The following ZPBP variants were observed in gnomAD, a reference collection of about 807,000 sequenced individuals.
ZPBP encodes zona pellucida-binding protein 1.
A neutral mutation model predicts 44.8 loss-of-function variants in ZPBP; 26 were observed. That is an observed-to-expected ratio of 0.58 (90% CI 0.43 to 0.81). The LOEUF (loss-of-function observed/expected upper bound fraction) is 0.81, where lower values mean the gene tolerates loss of function less well. ZPBP is among the 30% of genes least tolerant of loss of function. The probability of loss-of-function intolerance (pLI) is 0.00; values close to 1 mark genes in which losing one functional copy is unlikely to be tolerated. For missense variants in ZPBP, 409 were observed against 434.0 expected, an observed-to-expected ratio of 0.94 and a Z score of 0.51; for synonymous variants, 174 against 153.2, an observed-to-expected ratio of 1.14 and a Z score of -1.00.
chr7:49,997,027 G>A (rs1797877038), intron 6 of ZPBP, among the ~76,000 whole-genome samples: 1 of 152,194 alleles, frequency 6.6e-6, no homozygotes, highest in Non-Finnish European at 1.5e-5. Context: ...ACAGAGAAGA[G>A]CAATTAACTA....
chr7:50,042,399 G>A (rs1394632986), intron 4 of ZPBP, among the ~76,000 whole-genome samples: 1 of 152,084 alleles, frequency 6.6e-6, no homozygotes, highest in Non-Finnish European at 1.5e-5. Flanking sequence ...TTGAAACGAA[G>A]GAAAAAATGT....
In ZPBP at chr7:50,058,126, G is replaced by A; in HGVS notation, c.350C>T (p.Ala117Val). 6.2e-7 allele frequency: 1 copy of A among 1,613,706 alleles called. No homozygotes were observed. Among genetic ancestry groups the A allele is most frequent in the Non-Finnish European group, 8.5e-7 (1 of 1,179,812 alleles). Residue 117 changes from alanine (A) to valine (V), a missense_variant, in exon 4 of 8, where the codon GCA becomes GTA. Transcript: ENST00000046087. ...AAGGCTTCCTGTGGATGTTATTTGTGCAGTGCGGTTTTCTACTAAAGGAAT... is the reference window on the plus strand; with the variant it reads ...AAGGCTTCCTGTGGATGTTATTTGTACAGTGCGGTTTTCTACTAAAGGAAT... Reference protein sequence around the residue: ...GKVVSVENRTAQITSTGSLVF... With the variant: ...GKVVSVENRTVQITSTGSLVF...
intron 2 of ZPBP, among the ~76,000 whole-genome samples, chr7:49,864,826 A>G (rs529711292): frequency 5.6e-4 from 85 of 152,316 alleles, no homozygotes; most frequent in African/African-American, 1.9e-3. Context: ...AAGCAAGGAC[A>G]ATCAAGACTG....
chr7:49,980,390 T>C (rs1172015997), intron 7 of ZPBP, among the ~76,000 whole-genome samples: 1 of 146,706 alleles, frequency 6.8e-6, no homozygotes, highest in African/African-American at 2.5e-5. Flanking sequence ...TTTAAAAAAT[T>C]TATACTAATA....
intron 2 of ZPBP, among the ~76,000 whole-genome samples, chr7:49,887,199 T>G (rs1023924447): frequency 5.3e-5 from 8 of 152,206 alleles, no homozygotes; most frequent in Non-Finnish European, 1.0e-4. Flanking sequence ...TCAATACTAC[T>G]GAACAGATGC....
chr7:49,941,568 G>A (rs140526579), intron 7 of ZPBP, among the ~76,000 whole-genome samples: 2,008 of 151,952 alleles, frequency 0.013, 22 homozygotes, highest in Middle Eastern at 0.048. Flanking sequence ...TAATATTTAG[G>A]CATAAACTCA....
intron 4 of ZPBP, among the ~76,000 whole-genome samples, chr7:50,040,121 T>C (rs1799999375): frequency 6.6e-6 from 1 of 152,032 alleles, no homozygotes; most frequent in Non-Finnish European, 1.5e-5. Context: ...GCAAAGTATA[T>C]CCAAGTATAT....
intron 1 of ZPBP, among the ~76,000 whole-genome samples, chr7:49,902,790 A>T (rs1226009089): frequency 6.6e-6 from 1 of 152,124 alleles, no homozygotes; most frequent in Non-Finnish European, 1.5e-5. Context: ...TTTTTGAAAT[A>T]TAAATTTTTT....
At chr7:49,909,968 G>T (rs930046911) in intron 1 of ZPBP, among the ~76,000 whole-genome samples, 1 of 151,910 alleles carries the variant, frequency 6.6e-6, no homozygotes, top group Admixed American at 6.6e-5. Context: ...AGTTACTCAG[G>T]TGTGGTGGTG....
chr7:49,927,243 A>C (rs568936839), intron 1 of ZPBP, among the ~76,000 whole-genome samples: 32 of 152,232 alleles, frequency 2.1e-4, no homozygotes, highest in Non-Finnish European at 4.0e-4. Context: ...CAGCCAGTAC[A>C]GTAACTTATT....
At chr7:49,869,454 C>T (rs914725365) in intron 2 of ZPBP, among the ~76,000 whole-genome samples, 3 of 152,146 alleles carry the variant, frequency 2.0e-5, no homozygotes, top group South Asian at 2.1e-4. Flanking sequence ...GGTAGCAAAT[C>T]GGATATAGGG....
At chr7:50,092,889 A>T in intron 1 of ZPBP, 179 bp downstream of exon 1, 1 of 917,674 alleles carries the variant, frequency 1.1e-6, no homozygotes, top group Non-Finnish European at 1.6e-6. Context: ...TCACTCCTCT[A>T]TGCAAATGCA....
chr7:49,909,752 A>G (rs545364310), intron 1 of ZPBP, among the ~76,000 whole-genome samples: 2 of 152,270 alleles, frequency 1.3e-5, no homozygotes, highest in East Asian at 1.9e-4. Flanking sequence ...GTTCTCTGAA[A>G]GAGAAAGAGT....
Position 50,031,270 on chromosome 7 carries a change from T to A in ZPBP, c.528A>T (p.Arg176=), listed in dbSNP as rs151279050. 162 of 1,611,776 alleles carry A rather than the reference T, an allele frequency of 1.0e-4. No homozygotes were observed. The highest frequency in any genetic ancestry group is 1.8e-4 in the Admixed American group (11 of 59,934). The change falls in exon 5 of 8, where the codon CGA becomes CGT. Residue 176 remains arginine (R), a synonymous_variant. Transcript: ENST00000046087. ...EPHYYYQFTA[R]YHAAPCNSIY... Reference sequence around the variant, plus strand: ...TGCTATTGCAGGGAGCTGCATGATATCGAGCTGTGAACTGATAATAATAAT... The same window carrying A: ...TGCTATTGCAGGGAGCTGCATGATAACGAGCTGTGAACTGATAATAATAAT...
At chr7:49,940,654 CA>C (rs11288687) in intron 7 of ZPBP, 50,869 of 447,590 alleles carry the variant, frequency 0.11, 234 homozygotes, top group African/African-American at 0.13. Flanking sequence ...GTTCTGAATC[CA>C]AAAAAAAAAA....
intron 4 of ZPBP, among the ~76,000 whole-genome samples, chr7:50,039,781 G>A (rs553968915): frequency 9.2e-5 from 14 of 152,088 alleles, no homozygotes; most frequent in African/African-American, 2.4e-4. Context: ...ACAAAATTAC[G>A]TAAAATAATA....
At chr7:49,947,482 T>C (rs7782522) in intron 7 of ZPBP, among the ~76,000 whole-genome samples, 152,136 of 152,326 alleles carry the variant, frequency 1, 75,973 homozygotes, top group Middle Eastern at 1. Flanking sequence ...CCTTGGAGGT[T>C]TTGGGTAAGA....
chr7:49,935,136 A>C (rs1794577411), downstream of ZPBP, among the ~76,000 whole-genome samples: 2 of 152,144 alleles, frequency 1.3e-5, no homozygotes, highest in South Asian at 4.1e-4. Context: ...TTAATTACTC[A>C]AGTATTTATA....
At chr7:50,092,788 G>A (rs1318398655) in intron 1 of ZPBP, 1 of 352,558 alleles carries the variant, frequency 2.8e-6, no homozygotes, top group East Asian at 6.8e-5. Context: ...CCCATGGACT[G>A]AATTGGGGAG....
Sources: gnomAD v4.1 joint callset for allele counts (sites outside exome capture counted in the v4.1 genomes callset) on GRCh38, gnomAD v4.1.1 for gene constraint, MANE v1.5 for transcripts, NCBI Gene and HGNC (gene_info 2026-07-23, HGNC 2026-07-21) for gene names.